KIRREL2: variants seen among roughly 807,000 people sequenced by gnomAD.
KIRREL2 encodes kin of IRRE-like protein 2.
A neutral mutation model predicts 73.4 loss-of-function variants in KIRREL2; 56 were observed. The ratio of observed to expected loss-of-function variants is 0.76; its 90% CI spans 0.62 to 0.95. The LOEUF (loss-of-function observed/expected upper bound fraction) is 0.95. Ranked by LOEUF, KIRREL2 falls within the 40% of genes least tolerant of loss-of-function variation. KIRREL2 has a pLI of 0.00. For synonymous variants in KIRREL2, 407 were observed against 404.0 expected (o/e 1.01, Z -0.09); for missense variants, 896 against 935.0 (o/e 0.96, Z 0.54).
chr19:35,861,698 C>T lies in KIRREL2; in HGVS notation c.1290+57C>T, dbSNP rs1973695744. ...CCAGCCGTGATCCCTGACCTCCCAC[C>T]TGGCCCCCCGAAACTACTGTGACCA... On this transcript the variant is annotated intron_variant, in intron 10 of 14. Coordinates refer to ENST00000360202, the MANE Select transcript of KIRREL2 (RefSeq NM_199180.4). The T allele has an allele frequency of 5.0e-6, 8 of 1,590,764 alleles. No homozygotes were observed. In the South Asian group the frequency reaches 8.9e-5, roughly 18 times the overall value.
At chr19:35,855,367 T>C (rs1376457852), upstream of KIRREL2, among the ~76,000 whole-genome samples, 2 of 151,974 alleles carry the variant, frequency 1.3e-5, no homozygotes, top group Non-Finnish European at 2.9e-5. Context: ...CCTTGGGCTC[T>C]CCATCTTTCC....
At position 35,861,956 on chromosome 19, in the gene KIRREL2, G is replaced by C. The variant is rs1973711606; in HGVS notation, c.1442G>C (p.Arg481Thr). ...GGGACCCAGGAGTCTGACTTTAGCA[G>C]GAGCTTTAACTGCAGTGCCCGGAAC... ...ISGTQESDFS[R>T]SFNCSARNRL... is the part of the protein sequence containing the mutation. Residue 481 changes from arginine (R) to threonine (T), a missense_variant, in exon 11 of 15, where the codon AGG (arginine) becomes ACG (threonine). By Grantham distance (71) the Arg-to-Thr change is moderately conservative. Transcript: ENST00000360202. 6.2e-7 allele frequency: 1 copy of C among 1,613,328 alleles called. No homozygotes were observed. Among genetic ancestry groups the C allele is most frequent in the Non-Finnish European group, 8.5e-7 (1 of 1,179,788 alleles).
chr19:35,866,111 C>G, intron 14 of KIRREL2, 46 bp from the exon 15 acceptor site: 1 of 1,571,696 alleles, frequency 6.4e-7, no homozygotes, highest in Non-Finnish European at 8.6e-7. Context: ...ACCCTCATCC[C>G]CCCTGCACGC....
chr19:35,860,903 G>A lies in KIRREL2; in HGVS notation c.929-6G>A. 1 of 1,613,726 alleles carries A rather than the reference G, an allele frequency of 6.2e-7. No individual in the cohort carries two copies. The highest frequency in any genetic ancestry group is 1.1e-5 in the South Asian group (1 of 91,050). ...GGCCATGTGACCCCTAGTCTCTTTC[G>A]TCCAGTTGGGCCGATTCTGCAGGCA... On this transcript the variant is annotated splice_polypyrimidine_tract_variant and splice_region_variant and intron_variant, in intron 7 of 14. Transcript: ENST00000360202.
Position 35,866,534 on chromosome 19 carries a change from T to G in KIRREL2, c.*42T>G, listed in dbSNP as rs531006122. 5.6e-6 allele frequency: 9 copies of G among 1,613,084 alleles called. No homozygotes were observed. In the African/African-American group the frequency reaches 1.1e-4, roughly 19 times the overall value. On this transcript the variant is annotated 3_prime_UTR_variant, in exon 15 of 15. Coordinates refer to ENST00000360202, the MANE Select transcript of KIRREL2 (RefSeq NM_199180.4). Reference sequence around the variant, plus strand: ...GAGTCCTGGGATCTCCAACTTGCCATAATGGATTGTTCTGATTTCTGAGGA... The same window carrying G: ...GAGTCCTGGGATCTCCAACTTGCCAGAATGGATTGTTCTGATTTCTGAGGA...
upstream of KIRREL2, chr19:35,851,907 G>T: frequency 7.3e-7 from 1 of 1,376,910 alleles, no homozygotes; most frequent in Non-Finnish European, 1.0e-6. Flanking sequence ...GCTTTCTCTG[G>T]GTCCCTCTCT....
rs1246094939 is a variant in KIRREL2, at chr19:35,857,193, G to C, written c.61+13G>C. On this transcript the variant is annotated intron_variant, in intron 1 of 14. Transcript: ENST00000360202. ...AGAGGGAGAGCAGGTACCGCACGAG[G>C]GGAGCGGAGGAATATGGGGTGGGGG... The C allele has an allele frequency of 1.2e-6, 2 of 1,611,670 alleles. No individual in the cohort carries two copies. The highest frequency in any genetic ancestry group is 8.5e-7 in the Non-Finnish European group (1 of 1,178,566).
In KIRREL2 at chr19:35,858,444, A is replaced by C; in HGVS notation, c.248A>C (p.Asn83Thr). ...TACTGGATATCAGGGAATGCAGCCA[A>C]TGGCCAGCATGACCTCCACATTAGG... ...SRYWISGNAA[N>T]GQHDLHIRPV... The change falls in exon 3 of 15, where the codon AAT becomes ACT. Residue 83 changes from asparagine to threonine, a missense_variant. Asn to Thr is a moderately conservative substitution (Grantham distance 65). Coordinates refer to ENST00000360202, the MANE Select transcript of KIRREL2 (RefSeq NM_199180.4). 1 of 1,614,142 alleles carries C rather than the reference A, an allele frequency of 6.2e-7. No individual in the cohort carries two copies. The highest frequency in any genetic ancestry group is 8.5e-7 in the Non-Finnish European group (1 of 1,180,026).
At chr19:35,851,935 G>A (rs1599848977), upstream of KIRREL2, 6 of 1,041,356 alleles carry the variant, frequency 5.8e-6, no homozygotes, top group Admixed American at 1.2e-4. Flanking sequence ...TCTGCCACCT[G>A]CTTTTCTTTT....
chr19:35,858,720 C>T lies in KIRREL2; in HGVS notation c.378C>T (p.Pro126=), dbSNP rs1371594558. The T allele has an allele frequency of 1.2e-6, 2 of 1,614,150 alleles. No individual in the cohort carries two copies. The highest frequency in any genetic ancestry group is 1.1e-5 in the South Asian group (1 of 91,078). Residue 126 remains proline (P), a synonymous_variant, in exon 4 of 15, where the codon CCC becomes CCT. Transcript: ENST00000360202. ...QLHVLVPPEA[P]QVLGGPSVSL... is the part of the protein sequence containing the mutation. ...ACCTTGCAGTCCCCCCAGAAGCCCC[C>T]CAGGTGCTGGGCGGCCCCTCTGTGT...
intron 13 of KIRREL2, among the ~76,000 whole-genome samples, chr19:35,863,452 G>A (rs1973802342): frequency 7.1e-6 from 1 of 141,364 alleles, no homozygotes; most frequent in African/African-American, 2.9e-5. Flanking sequence ...TATGTAGGAG[G>A]GCTCTAGTCT....
Position 35,860,604 on chromosome 19 carries a change from G to A in KIRREL2, c.865G>A (p.Val289Met). 6.2e-7 allele frequency: 1 copy of A among 1,603,792 alleles called. No individual in the cohort carries two copies. The highest frequency in any genetic ancestry group is 8.5e-7 in the Non-Finnish European group (1 of 1,179,960). ...AGACGCCTCGTTCCTGACTGAGCCC[G>A]TGTCCTGCGAGGTCAGCAACGCCGT... ...VADASFLTEP[V>M]SCEVSNAVGS... Residue 289 changes from valine to methionine, a missense_variant, in exon 7 of 15, where the codon GTG (valine) becomes ATG (methionine). Physicochemically the swap from Val to Met is conservative, Grantham distance 21 (BLOSUM62 1). Coordinates refer to ENST00000360202, the MANE Select transcript of KIRREL2 (RefSeq NM_199180.4).
Position 35,860,556 on chromosome 19 carries a change from G to A in KIRREL2, c.817G>A (p.Gly273Arg), listed in dbSNP as rs1973622231. 3 of 1,603,350 alleles carry A rather than the reference G, an allele frequency of 1.9e-6. No homozygotes were observed. The highest frequency in any genetic ancestry group is 1.7e-6 in the Non-Finnish European group (2 of 1,179,944). The change falls in exon 7 of 15, where the codon GGG (glycine) becomes AGG (arginine). Residue 273 changes from glycine (G) to arginine (R), a missense_variant. By Grantham distance (125) the Gly-to-Arg change is moderately radical. Transcript: ENST00000360202. The stretch of plus-strand genomic sequence containing the variant: ...GGGCTCTCCGGTGCTCGGGGCCCGC[G>A]GGCCAAGGTTAGAGGTCGTGGCAGA... ...KGGSPVLGAR[G>R]PRLEVVADAS...
chr19:35,859,264 A>G (rs1477914742), intron 4 of KIRREL2, among the ~76,000 whole-genome samples: 3 of 152,240 alleles, frequency 2.0e-5, no homozygotes, highest in Non-Finnish European at 4.4e-5. Flanking sequence ...CATGGGCTGC[A>G]TGCAGCCCAG....
At chr19:35,864,545 C>T (rs913493550) in intron 13 of KIRREL2, 103 bp from the exon 14 acceptor site, 3 of 869,724 alleles carry the variant, frequency 3.4e-6, no homozygotes, top group Middle Eastern at 3.0e-4. Context: ...TGCTCTTACT[C>T]CCTCCTGCCT....
upstream of KIRREL2, among the ~76,000 whole-genome samples, chr19:35,852,493 G>A (rs1973295223): frequency 6.6e-6 from 1 of 152,096 alleles, no homozygotes; most frequent in Admixed American, 6.5e-5. Flanking sequence ...GACCCAGCTT[G>A]AGCTCATTCT....
At position 35,866,726 on chromosome 19, in the gene KIRREL2, GA is replaced by G; in HGVS notation, c.*235del. On this transcript the variant is annotated 3_prime_UTR_variant, in exon 15 of 15. Transcript: ENST00000360202. ...TGCCCACCTATTCCCCGGTGTAAAA[GA>G]GATTCAAGATGGCAGGTAGGCCCTT... 1.7e-6 allele frequency: 1 copy of G among 597,410 alleles called. No individual in the cohort carries two copies. The highest frequency in any genetic ancestry group is 3.3e-5 in the Admixed American group (1 of 30,698). The allele number at this position is 597,410 out of a possible 1,614,324, so 37.0% of individuals were successfully genotyped here.
At chr19:35,860,463 T>A in intron 6 of KIRREL2, 56 bp from the exon 7 acceptor site, 1 of 1,604,150 alleles carries the variant, frequency 6.2e-7, no homozygotes. Context: ...GGCTGGGACC[T>A]GAGTAGGTGT....
In KIRREL2 at chr19:35,866,435, C is replaced by T; in HGVS notation, c.2070C>T (p.Pro690=). 2 of 1,607,038 alleles carry T rather than the reference C, an allele frequency of 1.2e-6. No homozygotes were observed. Among genetic ancestry groups the T allele is most frequent in the Non-Finnish European group, 1.7e-6 (2 of 1,173,560 alleles). ...CAGATCTGGCCCCCGGGACTCCCCC[C>T]TTCCCATATGCTGCCTTCCCCACAC... The part of the protein sequence containing the change: ...GPPDLAPGTP[P]FPYAAFPTPS... Residue 690 remains proline (P), a synonymous_variant, in exon 15 of 15, where the codon CCC becomes CCT. Coordinates refer to ENST00000360202, the MANE Select transcript of KIRREL2 (RefSeq NM_199180.4).
Sources: gnomAD v4.1 joint callset for allele counts (sites outside exome capture counted in the v4.1 genomes callset) on GRCh38, gnomAD v4.1.1 for gene constraint, MANE v1.5 for transcripts, NCBI Gene and HGNC (gene_info 2026-07-23, HGNC 2026-07-21) for gene names.